Variants in PGCKA1 observed in about 807,000 individuals in gnomAD.
The protein encoded by PGCKA1 is PDCD10 and GCKIII kinases-associated protein 1.
At chr4:37,525,663 T>C in the PGCKA1 span, among the ~76,000 whole-genome samples, 1 of 152,114 alleles carries the variant, frequency 6.6e-6, no homozygotes, top group East Asian at 1.9e-4. Context: ...ACCCTTAAAT[T>C]CAGCATCAGG....
the PGCKA1 span, among the ~76,000 whole-genome samples, chr4:37,586,829 G>A: frequency 3.3e-5 from 5 of 152,324 alleles, no homozygotes; most frequent in East Asian, 9.7e-4. Context: ...AGAATCACTT[G>A]AACCAGGGAG....
At chr4:37,504,896 C>G in the PGCKA1 span, among the ~76,000 whole-genome samples, 1 of 152,170 alleles carries the variant, frequency 6.6e-6, no homozygotes, top group Non-Finnish European at 1.5e-5. Flanking sequence ...CCTTTCAAAT[C>G]TGGATGCCCT....
the PGCKA1 span, among the ~76,000 whole-genome samples, chr4:37,493,276 A>G: frequency 2.6e-3 from 391 of 152,340 alleles, no homozygotes; most frequent in African/African-American, 9.2e-3. Flanking sequence ...CAGAGGTCCA[A>G]CAACATGTAA....
At chr4:37,524,120 A>T in the PGCKA1 span, among the ~76,000 whole-genome samples, 1 of 152,204 alleles carries the variant, frequency 6.6e-6, no homozygotes, top group Non-Finnish European at 1.5e-5. Context: ...TTTCTTTTAA[A>T]CACTTTGTAT....
the PGCKA1 span, among the ~76,000 whole-genome samples, chr4:37,570,429 CAAA>C: frequency 7.7e-5 from 9 of 117,574 alleles, no homozygotes; most frequent in Non-Finnish European, 8.5e-5. Context: ...ATGTTTCTGC[CAAA>C]AAAAAAAAAA....
At chr4:37,468,050 C>T in the PGCKA1 span, among the ~76,000 whole-genome samples, 4 of 152,196 alleles carry the variant, frequency 2.6e-5, no homozygotes, top group Non-Finnish European at 4.4e-5. Context: ...GGGTTCAGGG[C>T]ATGTCAGTAG....
chr4:37,537,472 A>G, the PGCKA1 span, among the ~76,000 whole-genome samples: 1 of 152,346 alleles, frequency 6.6e-6, no homozygotes, highest in East Asian at 1.9e-4. Flanking sequence ...ATACACATGC[A>G]TAAAAGTGGT....
the PGCKA1 span, among the ~76,000 whole-genome samples, chr4:37,583,440 TG>T: frequency 1.5e-5 from 2 of 135,312 alleles, no homozygotes; most frequent in Admixed American, 7.7e-5. Context: ...TTTTTGTTTT[TG>T]TTTTTTTTTT....
At chr4:37,475,643 T>C in the PGCKA1 span, among the ~76,000 whole-genome samples, 1 of 152,166 alleles carries the variant, frequency 6.6e-6, no homozygotes, top group African/African-American at 2.4e-5. Context: ...ATTAGTTATT[T>C]AGAATATCAG....
At chr4:37,590,285 G>A in the PGCKA1 span, 23 of 1,613,980 alleles carry the variant, frequency 1.4e-5, no homozygotes, top group Non-Finnish European at 1.7e-5. Flanking sequence ...TGGGAGCCCT[G>A]CTGGCCTCAC....
At chr4:37,584,379 T>C in the PGCKA1 span, 1 of 152,336 alleles carries the variant, frequency 6.6e-6, no homozygotes, top group East Asian at 1.9e-4. Flanking sequence ...CGCGGAAGCA[T>C]GACCCTCAGG....
At chr4:37,585,004 T>TCG in the PGCKA1 span, among the ~76,000 whole-genome samples, 2 of 91,068 alleles carry the variant, frequency 2.2e-5, no homozygotes, top group East Asian at 5.5e-4. Context: ...TTTCTTTGAC[T>TCG]TGTTTTTTTT....
chr4:37,517,636 G>T, the PGCKA1 span, among the ~76,000 whole-genome samples: 26,345 of 151,888 alleles, frequency 0.17, 2,675 homozygotes, highest in Non-Finnish European at 0.22. Context: ...TTAATTTTTT[G>T]TGGGTACAGA....
At chr4:37,481,527 G>T in the PGCKA1 span, among the ~76,000 whole-genome samples, 15,451 of 138,702 alleles carry the variant, frequency 0.11, 1,043 homozygotes, top group South Asian at 0.28. Context: ...GTATCAGCAG[G>T]TTTGGATTCT....
At chr4:37,499,785 ATC>A in the PGCKA1 span, among the ~76,000 whole-genome samples, 4 of 151,704 alleles carry the variant, frequency 2.6e-5, no homozygotes, top group Non-Finnish European at 1.5e-5. Context: ...ATGGTTTTTC[ATC>A]TCTCAATCTT....
chr4:37,533,508 G>T, the PGCKA1 span, among the ~76,000 whole-genome samples: 1 of 152,116 alleles, frequency 6.6e-6, no homozygotes, highest in Admixed American at 6.6e-5. Context: ...ATTCCACATT[G>T]CAGAAGGTGG....
chr4:37,473,366 T>A, the PGCKA1 span, among the ~76,000 whole-genome samples: 4 of 152,118 alleles, frequency 2.6e-5, no homozygotes, highest in East Asian at 5.8e-4. Flanking sequence ...TGATTTCTAA[T>A]CTAAAATATG....
At chr4:37,560,748 A>G in the PGCKA1 span, among the ~76,000 whole-genome samples, 68,631 of 151,144 alleles carry the variant, frequency 0.45, 16,594 homozygotes, top group South Asian at 0.54. Flanking sequence ...TAGGCTCCAA[A>G]GGAAAAGTGT....
At chr4:37,470,614 C>T in the PGCKA1 span, among the ~76,000 whole-genome samples, 5 of 152,062 alleles carry the variant, frequency 3.3e-5, no homozygotes, top group African/African-American at 7.2e-5. Flanking sequence ...ATCTGAAAGT[C>T]GGGTTTAAGA....
Sources: gnomAD v4.1 joint callset for allele counts (sites outside exome capture counted in the v4.1 genomes callset) on GRCh38, gnomAD v4.1.1 for gene constraint, MANE v1.5 for transcripts, NCBI Gene and HGNC (gene_info 2026-07-23, HGNC 2026-07-21) for gene names.